The following PTPRD variants were observed in gnomAD, a reference collection of about 807,000 sequenced individuals.
PTPRD encodes the protein protein tyrosine phosphatase receptor type D, also known as receptor-type tyrosine-protein phosphatase delta.
In PTPRD, 34 loss-of-function variants were observed where a neutral mutation model predicts 214.5. The ratio of observed to expected loss-of-function variants is 0.16; its 90% CI spans 0.12 to 0.21. The LOEUF is 0.21. PTPRD is among the 10% of genes least tolerant of loss of function. PTPRD has a pLI of 1.00. For missense variants in PTPRD, 2,545 were observed against 2,398.7 expected (o/e 1.06, Z -1.27); for synonymous variants, 1,128 against 845.7 (o/e 1.33, Z -5.79).
chr9:10,097,240 T>C, intron 3 of PTPRD, among the ~76,000 whole-genome samples: 1 of 149,132 alleles, frequency 6.7e-6, no homozygotes, highest in Non-Finnish European at 1.5e-5. Context: ...TGGTTCCATA[T>C]GAACTTTAAA....
intron 7 of PTPRD, among the ~76,000 whole-genome samples, chr9:9,692,402 G>T (rs577302291): frequency 6.6e-6 from 1 of 152,062 alleles, no homozygotes; most frequent in South Asian, 2.1e-4. Context: ...CCTAGCATAC[G>T]TTCTTGGCAC....
chr9:8,469,283 A>G (rs2096606709), intron 31 of PTPRD, among the ~76,000 whole-genome samples: 1 of 152,060 alleles, frequency 6.6e-6, no homozygotes, highest in African/African-American at 2.4e-5. Flanking sequence ...ACAAAAGAGA[A>G]TCACTTTCTA....
intron 8 of PTPRD, among the ~76,000 whole-genome samples, chr9:9,438,038 C>G (rs1168538838): frequency 6.6e-6 from 1 of 152,134 alleles, no homozygotes; most frequent in African/African-American, 2.4e-5. Context: ...CTGAAGTTGG[C>G]TATCTTCATG....
At chr9:9,032,767 C>G (rs898295044) in intron 10 of PTPRD, among the ~76,000 whole-genome samples, 1 of 152,112 alleles carries the variant, frequency 6.6e-6, no homozygotes, top group Non-Finnish European at 1.5e-5. Context: ...ATTGCTTAAT[C>G]TTTCCAAGTT....
At chr9:9,265,603 A>G (rs1030346565) in intron 9 of PTPRD, among the ~76,000 whole-genome samples, 1 of 151,538 alleles carries the variant, frequency 6.6e-6, no homozygotes, top group Admixed American at 6.6e-5. Flanking sequence ...GGAGATGAAA[A>G]TGTAGAATTT....
intron 4 of PTPRD, among the ~76,000 whole-genome samples, chr9:9,950,334 C>A (rs80019690): frequency 0.011 from 1,618 of 152,248 alleles, 33 homozygotes; most frequent in African/African-American, 0.038. Flanking sequence ...CCAAGAGGCA[C>A]AACTTTGACA....
At chr9:9,700,580 T>C (rs2097479408) in intron 7 of PTPRD, among the ~76,000 whole-genome samples, 1 of 152,104 alleles carries the variant, frequency 6.6e-6, no homozygotes, top group South Asian at 2.1e-4. Flanking sequence ...GTGGTAACAA[T>C]TGTTACAGAA....
chr9:9,913,957 G>A (rs928107064), intron 5 of PTPRD, among the ~76,000 whole-genome samples: 5 of 152,086 alleles, frequency 3.3e-5, no homozygotes, highest in Non-Finnish European at 5.9e-5. Context: ...ATGACAAGCC[G>A]ACAATAGTGA....
chr9:9,941,232 G>T (rs144300863), intron 4 of PTPRD, among the ~76,000 whole-genome samples: 68 of 152,180 alleles, frequency 4.5e-4, no homozygotes, highest in Admixed American at 1.6e-3. Flanking sequence ...TGACTATGAG[G>T]GAAGGGAAAA....
At chr9:9,530,255 A>G (rs1480280463) in intron 8 of PTPRD, among the ~76,000 whole-genome samples, 3 of 152,192 alleles carry the variant, frequency 2.0e-5, no homozygotes, top group Non-Finnish European at 2.9e-5. Context: ...AACACTTTCC[A>G]GACAGAAGAG....
At chr9:9,593,914 C>T (rs747030145) in intron 7 of PTPRD, among the ~76,000 whole-genome samples, 11 of 152,024 alleles carry the variant, frequency 7.2e-5, no homozygotes, top group Non-Finnish European at 1.6e-4. Context: ...AAAGAAGATA[C>T]TCTAATTTCA....
intron 12 of PTPRD, among the ~76,000 whole-genome samples, chr9:8,668,313 T>A (rs1565137638): frequency 6.6e-6 from 1 of 152,348 alleles, no homozygotes; most frequent in Non-Finnish European, 1.5e-5. Context: ...TTTAATTAGA[T>A]GTTCAAAAAA....
chr9:8,670,985 C>A (rs2097272729), intron 12 of PTPRD, among the ~76,000 whole-genome samples: 1 of 152,122 alleles, frequency 6.6e-6, no homozygotes, highest in East Asian at 1.9e-4. Context: ...AGGACAAACA[C>A]AGCCTGTGTG....
intron 5 of PTPRD, among the ~76,000 whole-genome samples, chr9:9,885,107 C>A (rs1235658679): frequency 2.0e-5 from 3 of 151,944 alleles, no homozygotes; most frequent in African/African-American, 2.4e-5. Flanking sequence ...CTTAAAAATT[C>A]AATGATAGAG....
At chr9:8,761,496 A>T (rs977921417) in intron 11 of PTPRD, among the ~76,000 whole-genome samples, 2 of 152,162 alleles carry the variant, frequency 1.3e-5, no homozygotes, top group Non-Finnish European at 2.9e-5. Flanking sequence ...AGCAAGCTAA[A>T]TTAGAATTGG....
At chr9:9,422,870 T>C (rs995333123) in intron 8 of PTPRD, among the ~76,000 whole-genome samples, 2 of 152,076 alleles carry the variant, frequency 1.3e-5, no homozygotes, top group African/African-American at 2.4e-5. Flanking sequence ...AACAAGGAGC[T>C]GAAAAGCTGA....
intron 2 of PTPRD, among the ~76,000 whole-genome samples, chr9:10,474,892 A>T (rs2099053138): frequency 6.6e-6 from 1 of 152,100 alleles, no homozygotes; most frequent in African/African-American, 2.4e-5. Context: ...CTACTCGGTA[A>T]ATAAATAAAT....
chr9:10,586,152 C>A (rs1381575082), intron 2 of PTPRD, among the ~76,000 whole-genome samples: 1 of 151,860 alleles, frequency 6.6e-6, no homozygotes. Flanking sequence ...TTCTGAGAAT[C>A]CTGTTGTTGT....
intron 9 of PTPRD, among the ~76,000 whole-genome samples, chr9:9,185,685 A>C (rs1321001706): frequency 6.6e-6 from 1 of 151,994 alleles, no homozygotes; most frequent in Non-Finnish European, 1.5e-5. Context: ...TCCATTACTC[A>C]TTTAGATGAT....
Sources: allele counts gnomAD v4.1 joint callset (sites outside exome capture counted in the v4.1 genomes callset), GRCh38; gene constraint gnomAD v4.1.1; transcripts MANE v1.5; gene names NCBI Gene and HGNC (gene_info 2026-07-23, HGNC 2026-07-21).